The following IL1RAPL1 variants were observed in gnomAD, a reference collection of about 807,000 sequenced individuals.
IL1RAPL1 encodes the protein interleukin-1 receptor accessory protein-like 1.
In IL1RAPL1, 3 loss-of-function variants were observed where a neutral mutation model predicts 48.4. The ratio of observed to expected loss-of-function variants is 0.06; its 90% CI spans 0.03 to 0.16. The LOEUF is 0.16. IL1RAPL1 is among the 10% of genes least tolerant of loss of function. The pLI, the probability that IL1RAPL1 is intolerant of heterozygous loss-of-function variation, is 1.00. For missense variants in IL1RAPL1, 349 were observed against 530.6 expected (o/e 0.66, Z 3.36); for synonymous variants, 185 against 187.7 (o/e 0.99, Z 0.12).
intron 6 of IL1RAPL1, among the ~76,000 whole-genome samples, chrX:29,884,872 C>G (rs1408126570): frequency 9.0e-6 from 1 of 111,277 alleles, no homozygotes; most frequent in Non-Finnish European, 1.9e-5. Flanking sequence ...ATTTTCATGC[C>G]TCTCACTTGA....
intron 1 of IL1RAPL1, among the ~76,000 whole-genome samples, chrX:28,665,634 G>A (rs966886210): frequency 1.8e-5 from 2 of 110,373 alleles, no homozygotes; most frequent in Non-Finnish European, 3.8e-5. Context: ...GGGATTACAG[G>A]CATGCACCAC....
intron 6 of IL1RAPL1, among the ~76,000 whole-genome samples, chrX:29,830,069 T>C (rs1930838315): frequency 8.9e-6 from 1 of 112,507 alleles, no homozygotes; most frequent in Non-Finnish European, 1.9e-5. Context: ...ATTCAATTAT[T>C]CTGAATTTAA....
intron 2 of IL1RAPL1, among the ~76,000 whole-genome samples, chrX:28,892,758 G>T (rs1245531330): frequency 9.0e-6 from 1 of 110,593 alleles, no homozygotes; most frequent in Non-Finnish European, 1.9e-5. Context: ...AGATTTTGTG[G>T]TAAGGGGTGA....
chrX:28,870,817 A>G (rs772026250), intron 2 of IL1RAPL1, among the ~76,000 whole-genome samples: 3 of 111,349 alleles, frequency 2.7e-5, no homozygotes, highest in Non-Finnish European at 5.7e-5. Flanking sequence ...CTTAATTCCA[A>G]GGGAAATCTG....
At chrX:29,832,709 T>TTG (rs1360472152) in intron 6 of IL1RAPL1, among the ~76,000 whole-genome samples, 7 of 106,234 alleles carry the variant, frequency 6.6e-5, no homozygotes, top group Admixed American at 3.1e-4. Context: ...GTTTTTGTTT[T>TTG]TTTTTTTTTT....
chrX:29,516,512 T>C (rs1222152146), intron 5 of IL1RAPL1, among the ~76,000 whole-genome samples: 1 of 111,394 alleles, frequency 9.0e-6, no homozygotes, highest in Non-Finnish European at 1.9e-5. Context: ...CCAATTTTGT[T>C]ATATAAATGT....
At chrX:29,531,266 T>C (rs1471849489) in intron 5 of IL1RAPL1, among the ~76,000 whole-genome samples, 1 of 111,088 alleles carries the variant, frequency 9.0e-6, no homozygotes. Flanking sequence ...GAAAGCAACT[T>C]TGAAAAATAC....
intron 3 of IL1RAPL1, among the ~76,000 whole-genome samples, chrX:29,388,285 T>C (rs1465113054): frequency 9.0e-6 from 1 of 110,515 alleles, no homozygotes; most frequent in Non-Finnish European, 1.9e-5. Context: ...GTGAACAAAT[T>C]CCTGTAATGA....
At chrX:29,096,127 T>G (rs1275982214) in intron 2 of IL1RAPL1, among the ~76,000 whole-genome samples, 2 of 111,669 alleles carry the variant, frequency 1.8e-5, no homozygotes, top group Non-Finnish European at 3.8e-5. Flanking sequence ...TCAAGTTATG[T>G]CAGACAATGC....
chrX:29,496,701 G>A (rs1935217886), intron 5 of IL1RAPL1, among the ~76,000 whole-genome samples: 1 of 110,934 alleles, frequency 9.0e-6, no homozygotes. Context: ...GTTTAACTGA[G>A]CACTTAATTC....
At chrX:28,651,168 A>G (rs1040935440) in intron 1 of IL1RAPL1, among the ~76,000 whole-genome samples, 11 of 112,370 alleles carry the variant, frequency 9.8e-5, no homozygotes, top group Non-Finnish European at 1.9e-4. Context: ...CATTTCTGAG[A>G]TATCTCTCTA....
At chrX:28,737,353 C>A (rs1158910142) in intron 1 of IL1RAPL1, among the ~76,000 whole-genome samples, 1 of 107,450 alleles carries the variant, frequency 9.3e-6, no homozygotes, top group Non-Finnish European at 1.9e-5. Flanking sequence ...GCCTCCCAGA[C>A]TTAAGTGATT....
At chrX:29,911,501 T>C (rs1455745717) in intron 6 of IL1RAPL1, among the ~76,000 whole-genome samples, 3 of 112,240 alleles carry the variant, frequency 2.7e-5, no homozygotes, top group African/African-American at 9.7e-5. Flanking sequence ...ATATGCATAC[T>C]ATGTATGTAA....
intron 2 of IL1RAPL1, among the ~76,000 whole-genome samples, chrX:29,182,753 A>G (rs1930172315): frequency 9.0e-6 from 1 of 111,565 alleles, no homozygotes; most frequent in Non-Finnish European, 1.9e-5. Flanking sequence ...GATTTTTGGA[A>G]CCTGTGAATA....
At chrX:29,322,227 T>C (rs1932808605) in intron 3 of IL1RAPL1, among the ~76,000 whole-genome samples, 1 of 110,370 alleles carries the variant, frequency 9.1e-6, no homozygotes, top group Non-Finnish European at 1.9e-5. Flanking sequence ...CTTTCTGTCT[T>C]TCTTTCTGTC....
chrX:28,638,826 A>G (rs991740493), intron 1 of IL1RAPL1, among the ~76,000 whole-genome samples: 2 of 111,271 alleles, frequency 1.8e-5, no homozygotes, highest in Non-Finnish European at 3.8e-5. Context: ...TGTTTATCTA[A>G]CATGCACACT....
intron 6 of IL1RAPL1, among the ~76,000 whole-genome samples, chrX:29,853,650 A>G (rs1931421001): frequency 8.9e-6 from 1 of 112,140 alleles, no homozygotes; most frequent in Non-Finnish European, 1.9e-5. Flanking sequence ...CATTTATTAA[A>G]TCGATTTAGA....
At chrX:29,076,778 A>G (rs11795945) in intron 2 of IL1RAPL1, among the ~76,000 whole-genome samples, 290 of 95,426 alleles carry the variant, frequency 3.0e-3, no homozygotes, top group Middle Eastern at 5.4e-3. Context: ...AGATCTATCT[A>G]TCTGTCTGTC....
In IL1RAPL1 at chrX:29,011,705, T is replaced by C. The variant is rs953466; in HGVS notation, c.82+222280T>C. 6.8e-3 allele frequency among the ~76,000 whole-genome samples: 766 copies of C among 112,441 alleles called. 4 individuals carry two copies. The highest frequency in any genetic ancestry group is 0.017 in the South Asian group (46 of 2,704). Reference sequence around the variant, plus strand: ...ATATTCCTTATTTTGATTGTAGCGATGATTTCCTGGGTGTATACATAAGCT... The same window carrying C: ...ATATTCCTTATTTTGATTGTAGCGACGATTTCCTGGGTGTATACATAAGCT... On this transcript the variant is annotated intron_variant, in intron 2 of 10. Coordinates refer to ENST00000378993, the MANE Select transcript of IL1RAPL1 (RefSeq NM_014271.4).
Sources: allele counts gnomAD v4.1 joint callset (sites outside exome capture counted in the v4.1 genomes callset), GRCh38; gene constraint gnomAD v4.1.1; transcripts MANE v1.5; gene names NCBI Gene and HGNC (gene_info 2026-07-23, HGNC 2026-07-21).